The following IQSEC1 variants were observed in gnomAD, a reference collection of about 807,000 sequenced individuals.
IQSEC1 encodes the protein IQ motif and Sec7 domain ArfGEF 1, also known as IQ motif and SEC7 domain-containing protein 1.
Under a neutral mutation model 91.0 loss-of-function variants are expected in IQSEC1, and 31 were observed. The observed-to-expected ratio is 0.34, with a 90% CI of 0.26 to 0.46. The LOEUF (loss-of-function observed/expected upper bound fraction) is 0.46. Ranked by LOEUF, IQSEC1 falls within the 20% of genes least tolerant of loss-of-function variation. The pLI is 1.00. For missense variants in IQSEC1, 1,388 were observed against 1,575.6 expected, an observed-to-expected ratio of 0.88 and a Z score of 2.02; for synonymous variants, 699 against 662.6, an observed-to-expected ratio of 1.05 and a Z score of -0.84.
chr3:12,993,292 C>G (rs529913509), intron 1 of IQSEC1, among the ~76,000 whole-genome samples: 1 of 152,198 alleles, frequency 6.6e-6, no homozygotes, highest in African/African-American at 2.4e-5. Context: ...GAGGCAGGGA[C>G]AGGGCCAGGT....
At chr3:13,153,163 G>A (rs184056103) in intron 2 of IQSEC1, among the ~76,000 whole-genome samples, 11 of 151,736 alleles carry the variant, frequency 7.2e-5, no homozygotes, top group Admixed American at 6.6e-4. Flanking sequence ...TCTCAGGGCT[G>A]ACCCCCGTGT....
chr3:13,225,942 C>A (rs1380435882), intron 1 of IQSEC1, among the ~76,000 whole-genome samples: 1 of 151,798 alleles, frequency 6.6e-6, no homozygotes, highest in Non-Finnish European at 1.5e-5. Context: ...TGCAATTGTG[C>A]CATCTCTGCT....
At chr3:13,136,813 T>C (rs1040663281) in intron 2 of IQSEC1, among the ~76,000 whole-genome samples, 4 of 151,998 alleles carry the variant, frequency 2.6e-5, no homozygotes, top group Non-Finnish European at 5.9e-5. Flanking sequence ...GTACTGGCAA[T>C]GAGAGTGTAA....
intron 1 of IQSEC1, among the ~76,000 whole-genome samples, chr3:13,210,276 T>C (rs949751733): frequency 2.0e-5 from 3 of 151,772 alleles, no homozygotes. Flanking sequence ...GAACGCCAAG[T>C]GCCCGGGACA....
chr3:13,102,283 A>AAATAAT (rs200690512), intron 2 of IQSEC1, among the ~76,000 whole-genome samples: 12 of 151,614 alleles, frequency 7.9e-5, no homozygotes, highest in Non-Finnish European at 1.6e-4. Flanking sequence ...ACTTGTCTCA[A>AAATAAT]AATAATAATA....
chr3:13,278,767 CGA>C (rs1447798061), intron 1 of IQSEC1, among the ~76,000 whole-genome samples: 1 of 148,974 alleles, frequency 6.7e-6, no homozygotes, highest in East Asian at 2.0e-4. Flanking sequence ...TTCAGTGAGC[CGA>C]GATCACATCA....
In IQSEC1 at chr3:13,092,614, G is replaced by T. The variant is rs145770403; in HGVS notation, c.303-45092C>A. On this transcript the variant is annotated intron_variant, in intron 2 of 15. Coordinates refer to the IQSEC1 transcript ENST00000648114. ...GCCTCTCTGAGACGGCGACATTTAA[G>T]CCAAGAGCTAAATAATGGGAGAAGT... Among the ~76,000 whole-genome samples, 40 of 152,270 alleles carry T rather than the reference G, an allele frequency of 2.6e-4. 1 individual carries two copies. In the East Asian group the frequency reaches 4.8e-3, roughly 18 times the overall value.
At chr3:13,233,466 C>A (rs2125091868) in intron 1 of IQSEC1, among the ~76,000 whole-genome samples, 1 of 152,356 alleles carries the variant, frequency 6.6e-6, no homozygotes, top group South Asian at 2.1e-4. Flanking sequence ...GCTACCATTT[C>A]CCAACCTCCA....
intron 1 of IQSEC1, among the ~76,000 whole-genome samples, chr3:13,251,062 G>A (rs1029540813): frequency 2.0e-5 from 3 of 152,182 alleles, no homozygotes; most frequent in South Asian, 2.1e-4. Flanking sequence ...ACCCTCCCCC[G>A]GCTCCCCCTC....
At position 13,112,906 on chromosome 3, in the gene IQSEC1, T is replaced by C. The variant is rs560319844; in HGVS notation, c.302+51198A>G. 3.3e-5 allele frequency among the ~76,000 whole-genome samples: 5 copies of C among 152,356 alleles called. No individual in the cohort carries two copies. The South Asian group carries it at 8.3e-4, about 25-fold the overall frequency. On this transcript the variant is annotated intron_variant, in intron 2 of 15. Transcript: ENST00000648114. The stretch of plus-strand genomic sequence containing the variant: ...AGGCCAGGGAGAGCCTGGTGAGACA[T>C]GAGACAATGCTGTCACATGAATCAG...
At chr3:12,974,061 A>C (rs550592705) in intron 1 of IQSEC1, among the ~76,000 whole-genome samples, 189 of 152,322 alleles carry the variant, frequency 1.2e-3, no homozygotes, top group African/African-American at 4.4e-3. Flanking sequence ...CTGAGGATGC[A>C]TGGGAAAGAC....
intron 2 of IQSEC1, among the ~76,000 whole-genome samples, chr3:12,938,421 C>T (rs1326587113): frequency 6.6e-6 from 1 of 152,176 alleles, no homozygotes; most frequent in East Asian, 1.9e-4. Flanking sequence ...CCCATGCGTG[C>T]TGCCTGGCTC....
chr3:12,944,653 T>C (rs951594844), intron 1 of IQSEC1, among the ~76,000 whole-genome samples: 1 of 152,152 alleles, frequency 6.6e-6, no homozygotes, highest in African/African-American at 2.4e-5. Flanking sequence ...CAGGCACAGA[T>C]CACAGGGAAC....
rs549233166 is a variant in IQSEC1 at position 13,207,414 on chromosome 3, G to A, written c.273-43281C>T. ...CCCGTCTTCTCTGCCAGGTCCCTGG[G>A]ACGGCTTCCCTCTGGCCACCCCCAG... On this transcript the variant is annotated intron_variant, in intron 1 of 15. Transcript: ENST00000648114. This position sits in a 1 kb window ranked among gnomAD's most constrained non-coding sequence, Gnocchi z 4.8. 1.3e-5 allele frequency among the ~76,000 whole-genome samples: 2 copies of A among 150,894 alleles called. No individual in the cohort carries two copies. Among genetic ancestry groups the A allele is most frequent in the South Asian group, 4.2e-4 (2 of 4,760 alleles).
At chr3:12,902,365 T>A (rs1374746034) in intron 13 of IQSEC1, among the ~76,000 whole-genome samples, 1 of 151,860 alleles carries the variant, frequency 6.6e-6, no homozygotes, top group East Asian at 1.9e-4. Flanking sequence ...AGCAAAAACA[T>A]CCAACAGCAA....
At chr3:13,155,912 C>T (rs1440208506) in intron 2 of IQSEC1, among the ~76,000 whole-genome samples, 1 of 152,138 alleles carries the variant, frequency 6.6e-6, no homozygotes, top group African/African-American at 2.4e-5. Flanking sequence ...AAATTCAACA[C>T]TTTTTCATAA....
chr3:13,064,016 CA>C, intron 1 of IQSEC1, among the ~76,000 whole-genome samples: 1 of 140,110 alleles, frequency 7.1e-6, no homozygotes, highest in South Asian at 2.3e-4. Flanking sequence ...AAAAAAAAAA[CA>C]AAAAACAATA....
chr3:13,261,409 C>T (rs1359624760), intron 1 of IQSEC1, among the ~76,000 whole-genome samples: 1 of 152,296 alleles, frequency 6.6e-6, no homozygotes, highest in Admixed American at 6.5e-5. Flanking sequence ...CCACGCCATG[C>T]CCCTCGATGC....
At chr3:12,998,965 T>C (rs1702323144) in intron 1 of IQSEC1, among the ~76,000 whole-genome samples, 1 of 152,196 alleles carries the variant, frequency 6.6e-6, no homozygotes, top group African/African-American at 2.4e-5. Flanking sequence ...CTTCGTGCCC[T>C]GGGGGATGGA....
Sources: allele counts gnomAD v4.1 joint callset (sites outside exome capture counted in the v4.1 genomes callset), GRCh38; gene constraint gnomAD v4.1.1; non-coding constraint Gnocchi (gnomAD v3.1); transcripts MANE v1.5; gene names NCBI Gene and HGNC (gene_info 2026-07-23, HGNC 2026-07-21).